The following ADAMTSL1 variants were observed in gnomAD, a reference collection of about 807,000 sequenced individuals.
ADAMTSL1 encodes ADAMTS-like protein 1.
ADAMTSL1 carries 126 observed loss-of-function variants against 201.8 expected under a neutral mutation model. That is an observed-to-expected ratio of 0.62 (90% CI 0.54 to 0.72). ADAMTSL1 has a LOEUF of 0.72. ADAMTSL1 is among the 30% of genes least tolerant of loss of function. ADAMTSL1 has a pLI of 0.00. For synonymous variants in ADAMTSL1, 1,121 were observed against 903.4 expected, an observed-to-expected ratio of 1.24 and a Z score of -4.32; for missense variants, 2,679 against 2,277.8, an observed-to-expected ratio of 1.18 and a Z score of -3.59.
chr9:18,377,952 C>A (rs944338276), intron 2 of ADAMTSL1, among the ~76,000 whole-genome samples: 2 of 152,082 alleles, frequency 1.3e-5, no homozygotes, highest in Non-Finnish European at 2.9e-5. Flanking sequence ...ATACTCATAA[C>A]CTCAAGTGGG....
At chr9:18,532,105 CT>C in intron 2 of ADAMTSL1, among the ~76,000 whole-genome samples, 2 of 152,190 alleles carry the variant, frequency 1.3e-5, no homozygotes, top group East Asian at 3.9e-4. Context: ...TGTAGTGTAT[CT>C]TTACTTTTTA....
intron 1 of ADAMTSL1, among the ~76,000 whole-genome samples, chr9:17,973,008 G>T (rs10963371): frequency 7.2e-6 from 1 of 138,798 alleles, no homozygotes. Context: ...TTTTGATGGG[G>T]TTGTTTGTTT....
At chr9:18,700,912 C>A (rs553693572) in intron 13 of ADAMTSL1, among the ~76,000 whole-genome samples, 1 of 152,048 alleles carries the variant, frequency 6.6e-6, no homozygotes, top group Non-Finnish European at 1.5e-5. Context: ...ATGAGGGAAC[C>A]AATAAGATGT....
chr9:18,408,140 G>A (rs1458115774), intron 2 of ADAMTSL1, among the ~76,000 whole-genome samples: 1 of 152,148 alleles, frequency 6.6e-6, no homozygotes, highest in Non-Finnish European at 1.5e-5. Flanking sequence ...TTAAGTTCAA[G>A]CTGAGAGGAA....
At chr9:18,272,105 C>A (rs13298469) in intron 2 of ADAMTSL1, among the ~76,000 whole-genome samples, 10,185 of 150,336 alleles carry the variant, frequency 0.068, 386 homozygotes, top group African/African-American at 0.082. Context: ...GATTGCAAAA[C>A]TTTTCTCCCA....
intron 2 of ADAMTSL1, among the ~76,000 whole-genome samples, chr9:18,525,816 T>C (rs1819002408): frequency 6.6e-6 from 1 of 152,200 alleles, no homozygotes; most frequent in South Asian, 2.1e-4. Context: ...AGACAGTTTG[T>C]TATAATTTCT....
At chr9:18,331,708 T>C (rs559063393) in intron 2 of ADAMTSL1, among the ~76,000 whole-genome samples, 10 of 152,328 alleles carry the variant, frequency 6.6e-5, no homozygotes, top group African/African-American at 2.4e-4. Context: ...CCACCTTTCC[T>C]TTCTATCTTG....
intron 23 of ADAMTSL1, among the ~76,000 whole-genome samples, chr9:18,846,578 A>G (rs1324891465): frequency 1.3e-5 from 2 of 152,236 alleles, no homozygotes; most frequent in African/African-American, 4.8e-5. Flanking sequence ...GGGAAGTCTT[A>G]AACAGCTTAA....
chr9:17,983,076 C>CT (rs36025746), intron 1 of ADAMTSL1, among the ~76,000 whole-genome samples: 13 of 114,206 alleles, frequency 1.1e-4, no homozygotes, highest in African/African-American at 3.6e-4. Flanking sequence ...TTCTTTCTTT[C>CT]TTTTTTTTTT....
chr9:17,995,346 T>A (rs959486667), intron 1 of ADAMTSL1, among the ~76,000 whole-genome samples: 2 of 152,146 alleles, frequency 1.3e-5, no homozygotes, highest in Admixed American at 1.3e-4. Context: ...AAGGTAGGAC[T>A]GCTTTTACCA....
chr9:18,334,248 C>T (rs373056249), intron 2 of ADAMTSL1, among the ~76,000 whole-genome samples: 113 of 152,192 alleles, frequency 7.4e-4, no homozygotes, highest in Non-Finnish European at 1.5e-3. Context: ...TTTCTAAGCA[C>T]AATACAAATT....
intron 19 of ADAMTSL1, among the ~76,000 whole-genome samples, chr9:18,778,947 T>C (rs540434488): frequency 6.6e-6 from 1 of 152,374 alleles, no homozygotes; most frequent in African/African-American, 2.4e-5. Flanking sequence ...AATGCTCTTT[T>C]CATTAAGTCT....
At chr9:18,143,459 A>G (rs1256127000) in intron 1 of ADAMTSL1, among the ~76,000 whole-genome samples, 1 of 152,168 alleles carries the variant, frequency 6.6e-6, no homozygotes, top group Non-Finnish European at 1.5e-5. Context: ...GGAGCAGGAC[A>G]ATGTTGCTTA....
chr9:18,583,232 C>A (rs1030650845), intron 4 of ADAMTSL1, among the ~76,000 whole-genome samples: 8 of 152,134 alleles, frequency 5.3e-5, no homozygotes, highest in African/African-American at 1.7e-4. Flanking sequence ...GCTGTGTGCA[C>A]CCTAGGGACT....
At position 18,009,872 on chromosome 9, in the gene ADAMTSL1, C is replaced by G. The variant is rs1297877893; in HGVS notation, c.87+102950C>G. 3.3e-5 allele frequency among the ~76,000 whole-genome samples: 5 copies of G among 152,022 alleles called. No individual in the cohort carries two copies. In the East Asian group the frequency reaches 9.7e-4, roughly 29 times the overall value. ...AGGCTTGCAGATATAGGTACTCAGTCACAAACATGCCAATTTTCTTTAATT... is the reference window on the plus strand; with the variant it reads ...AGGCTTGCAGATATAGGTACTCAGTGACAAACATGCCAATTTTCTTTAATT... On this transcript the variant is annotated intron_variant, in intron 1 of 29. Coordinates refer to the ADAMTSL1 transcript ENST00000680146.
At chr9:17,962,907 C>T (rs564829036) in intron 1 of ADAMTSL1, among the ~76,000 whole-genome samples, 5 of 152,180 alleles carry the variant, frequency 3.3e-5, no homozygotes, top group Non-Finnish European at 7.3e-5. Context: ...AAGTAATTGT[C>T]GGTTGGTATT....
At chr9:18,314,467 T>C (rs1344302253) in intron 2 of ADAMTSL1, among the ~76,000 whole-genome samples, 1 of 152,056 alleles carries the variant, frequency 6.6e-6, no homozygotes, top group Admixed American at 6.5e-5. Context: ...CTGCATACTT[T>C]CGCGGTGAGT....
At chr9:18,166,161 C>T (rs558849121) in intron 2 of ADAMTSL1, among the ~76,000 whole-genome samples, 7 of 152,034 alleles carry the variant, frequency 4.6e-5, no homozygotes, top group Non-Finnish European at 5.9e-5. Flanking sequence ...TTTATGCACA[C>T]GTTTCACCTC....
chr9:18,269,361 T>C (rs892545315), intron 2 of ADAMTSL1, among the ~76,000 whole-genome samples: 1 of 152,158 alleles, frequency 6.6e-6, no homozygotes, highest in Non-Finnish European at 1.5e-5. Context: ...AGGAATAACA[T>C]TGTAGGACCC....
Sources: allele counts gnomAD v4.1 joint callset (sites outside exome capture counted in the v4.1 genomes callset), GRCh38; gene constraint gnomAD v4.1.1; transcripts MANE v1.5; gene names NCBI Gene and HGNC (gene_info 2026-07-23, HGNC 2026-07-21).